The following FLT1 variants were observed in gnomAD, a reference collection of about 807,000 sequenced individuals.
FLT1 encodes the protein vascular endothelial growth factor receptor 1.
FLT1 carries 49 observed loss-of-function variants against 156.3 expected under a neutral mutation model. That is an observed-to-expected ratio of 0.31 (90% CI 0.25 to 0.40). FLT1 has a LOEUF of 0.40. Among genes scored for constraint, FLT1 ranks in the 10% least tolerant of loss-of-function variants. The probability of loss-of-function intolerance (pLI) is 1.00; values close to 1 mark genes in which losing one functional copy is unlikely to be tolerated. For synonymous variants in FLT1, 594 were observed against 583.8 expected (o/e 1.02, Z -0.25); for missense variants, 1,322 against 1,637.2 (o/e 0.81, Z 3.32).
intron 11 of FLT1, among the ~76,000 whole-genome samples, chr13:28,401,873 A>G (rs779962078): frequency 6.6e-6 from 1 of 152,256 alleles, no homozygotes; most frequent in Non-Finnish European, 1.5e-5. Context: ...AAATATTGCT[A>G]ACACATTAAA....
At chr13:28,391,882 G>T (rs185256278) in intron 12 of FLT1, among the ~76,000 whole-genome samples, 2 of 151,856 alleles carry the variant, frequency 1.3e-5, no homozygotes, top group East Asian at 3.9e-4. Flanking sequence ...GAACTGACCC[G>T]CTCTCAAAAC....
rs772790901 is a variant in FLT1 at position 28,427,274 on chromosome 13, G to C, written c.1321C>G (p.Pro441Ala). 8 of 1,613,906 alleles carry C rather than the reference G, an allele frequency of 5.0e-6. No homozygotes were observed. The highest frequency in any genetic ancestry group is 6.8e-6 in the Non-Finnish European group (8 of 1,179,868). Residue 441 changes from proline to alanine, a missense_variant, in exon 10 of 30, where the codon CCG becomes GCG. Transcript: ENST00000282397. ...CTGCTGCCCAGTGGGTAGAGAGCCG[G>C]GTCTGGAAACGATGACACGGCCTTT... is the stretch of plus-strand genomic sequence containing the variant. ...YEKAVSSFPD[P>A]ALYPLGSRQI... is the part of the protein sequence containing the mutation.
At chr13:28,321,624 A>T in intron 22 of FLT1, 39 bp from the exon 23 acceptor site, 1 of 1,608,272 alleles carries the variant, frequency 6.2e-7, no homozygotes, top group Non-Finnish European at 8.5e-7. Flanking sequence ...CATTTCCTTA[A>T]CCTAACCAAC....
chr13:28,494,713 G>A, intron 1 of FLT1, 67 bp downstream of exon 1: 2 of 1,308,256 alleles, frequency 1.5e-6, no homozygotes, highest in Non-Finnish European at 1.1e-6. Flanking sequence ...CCCTGGCCTC[G>A]GAGGCTCTGC....
intron 11 of FLT1, among the ~76,000 whole-genome samples, chr13:28,401,039 AAC>A (rs1875400513): frequency 6.6e-6 from 1 of 152,148 alleles, no homozygotes; most frequent in African/African-American, 2.4e-5. Context: ...CAGCCTGGCT[AAC>A]AAGACGAAAC....
At chr13:28,382,543 G>A (rs1364388437) in intron 14 of FLT1, among the ~76,000 whole-genome samples, 1 of 152,170 alleles carries the variant, frequency 6.6e-6, no homozygotes, top group Non-Finnish European at 1.5e-5. Context: ...GTTCACAGCT[G>A]CATTTTATAC....
rs1346526940 is a variant in FLT1 at position 28,412,366 on chromosome 13, T to TTCTA, written c.1437-6473_1437-6472insTAGA. Among the ~76,000 whole-genome samples the TTCTA allele has an allele frequency of 4.6e-5, 4 of 87,644 alleles. No homozygotes were observed. In the East Asian group the frequency reaches 1.2e-3, roughly 27 times the overall value. The allele number at this position is 87,644 out of a possible 152,430, so 57.5% of individuals were successfully genotyped here. On this transcript the variant is annotated intron_variant, in intron 10 of 29. Coordinates refer to ENST00000282397, the MANE Select transcript of FLT1 (RefSeq NM_002019.4). ...TCTTTCTTTCTCTTTCTTTCTTTCT[T>TTCTA]TCTTTCTTTCTTTCTTTCTTTCTTT...
At chr13:28,331,479 G>GA (rs911725361) in intron 18 of FLT1, among the ~76,000 whole-genome samples, 2 of 152,224 alleles carry the variant, frequency 1.3e-5, no homozygotes, top group Non-Finnish European at 2.9e-5. Flanking sequence ...CACCCAGGCT[G>GA]GAGTGCAGTG....
At chr13:28,488,480 A>AAAC (rs113155996) in intron 1 of FLT1, among the ~76,000 whole-genome samples, 4 of 151,298 alleles carry the variant, frequency 2.6e-5, no homozygotes, top group African/African-American at 9.7e-5. Context: ...TTTTAATGAA[A>AAAC]AAACAAACAA....
intron 16 of FLT1, among the ~76,000 whole-genome samples, chr13:28,341,245 A>T (rs1176276485): frequency 1.3e-5 from 2 of 152,192 alleles, no homozygotes; most frequent in Non-Finnish European, 2.9e-5. Flanking sequence ...ACCTTAAGTG[A>T]GGGCTTTGAG....
chr13:28,323,395 T>C (rs1871552131), intron 20 of FLT1, among the ~76,000 whole-genome samples: 1 of 152,196 alleles, frequency 6.6e-6, no homozygotes, highest in Non-Finnish European at 1.5e-5. Flanking sequence ...CTCACGCCTG[T>C]AATCCCAGCA....
intron 3 of FLT1, among the ~76,000 whole-genome samples, chr13:28,451,828 C>T (rs549883727): frequency 3.3e-5 from 5 of 152,214 alleles, no homozygotes; most frequent in Non-Finnish European, 5.9e-5. Context: ...AATGTTCACA[C>T]TGGGCGTAGC....
Position 28,467,406 on chromosome 13 carries a change from T to G in FLT1, c.161+115A>C, listed in dbSNP as rs1035989194. ...CATGGGAAGCTGGATGCCTATGGTT[T>G]GCACTTTGCAGATCACAGGAGATCA... On this transcript the variant is annotated intron_variant, in intron 2 of 29. Coordinates refer to ENST00000282397, the MANE Select transcript of FLT1 (RefSeq NM_002019.4). 6.6e-6 allele frequency: 5 copies of G among 760,302 alleles called. No individual in the cohort carries two copies. In the African/African-American group the frequency reaches 8.6e-5, roughly 13 times the overall value. 47.1% of individuals were successfully genotyped at this position (760,302 alleles called of 1,614,324 possible).
chr13:28,384,180 T>A (rs1874213258), intron 14 of FLT1, among the ~76,000 whole-genome samples: 4 of 152,172 alleles, frequency 2.6e-5, no homozygotes, highest in Non-Finnish European at 5.9e-5. Context: ...GCGCCTATAA[T>A]CCCAGCACTT....
chr13:28,491,280 G>A (rs752801784), intron 1 of FLT1, among the ~76,000 whole-genome samples: 40 of 152,138 alleles, frequency 2.6e-4, no homozygotes, highest in Non-Finnish European at 5.4e-4. Context: ...TAAAAGTCAC[G>A]TAAAGTAGAC....
At chr13:28,421,034 T>C (rs553492373) in intron 10 of FLT1, among the ~76,000 whole-genome samples, 1 of 150,200 alleles carries the variant, frequency 6.7e-6, no homozygotes, top group South Asian at 2.2e-4. Context: ...ACCCTTACTC[T>C]TAGAGTGGTC....
rs1251670534 is a variant in FLT1, at chr13:28,322,896, C to T, written c.2847G>A (p.Leu949=). Reference sequence around the variant, plus strand: ...CTAGTCTTGGTTTCTTGCCTTGTTCCAGGCCTGGCTCCATTTTTTCTTTCT... The same window carrying T: ...CTAGTCTTGGTTTCTTGCCTTGTTCTAGGCCTGGCTCCATTTTTTCTTTCT... ...EPKKEKMEPG[L]EQGKKPRLDS... The change falls in exon 21 of 30, where the codon CTG becomes CTA. Residue 949 remains leucine, a synonymous_variant. Transcript: ENST00000282397. This position sits in a 1 kb window ranked among gnomAD's most constrained non-coding sequence, Gnocchi z 4.3. 3 of 1,614,116 alleles carry T rather than the reference C, an allele frequency of 1.9e-6. No individual in the cohort carries two copies. The highest frequency in any genetic ancestry group is 2.2e-5 in the East Asian group (1 of 44,872).
intron 15 of FLT1, among the ~76,000 whole-genome samples, chr13:28,356,921 G>A (rs1336604391): frequency 6.6e-6 from 1 of 152,206 alleles, no homozygotes; most frequent in Non-Finnish European, 1.5e-5. Context: ...AAGCCACATG[G>A]CCATAGCCAG....
intron 18 of FLT1, 80 bp from the exon 19 acceptor site, chr13:28,329,808 G>C (rs986268300): frequency 1.8e-6 from 2 of 1,117,406 alleles, no homozygotes; most frequent in Non-Finnish European, 2.7e-6. Flanking sequence ...TGCCCTCCTT[G>C]TTTGTCAATG....
Sources: allele counts gnomAD v4.1 joint callset (sites outside exome capture counted in the v4.1 genomes callset), GRCh38; gene constraint gnomAD v4.1.1; non-coding constraint Gnocchi (gnomAD v3.1); transcripts MANE v1.5; gene names NCBI Gene and HGNC (gene_info 2026-07-23, HGNC 2026-07-21).